Variants in TOR1B observed in about 807,000 individuals in gnomAD.
TOR1B encodes the protein torsin family 1 member B, also known as torsin-1B.
In TOR1B, 14 loss-of-function variants were observed where a neutral mutation model predicts 29.2. The ratio of observed to expected loss-of-function variants is 0.48; its 90% CI spans 0.32 to 0.75. TOR1B has a LOEUF of 0.75. Among genes scored for constraint, TOR1B ranks in the 30% least tolerant of loss-of-function variants. TOR1B has a pLI of 0.04. For synonymous variants in TOR1B, 166 were observed against 179.8 expected (o/e 0.92, Z 0.62); for missense variants, 400 against 433.9 (o/e 0.92, Z 0.69).
intron 3 of TOR1B, among the ~76,000 whole-genome samples, chr9:129,807,728 C>T (rs1226151222): frequency 1.3e-5 from 2 of 151,894 alleles, no homozygotes; most frequent in Non-Finnish European, 2.9e-5. Flanking sequence ...CGCCTGTAGT[C>T]CCATCTACTC....
At chr9:129,806,036 G>A (rs369348518) in intron 2 of TOR1B, among the ~76,000 whole-genome samples, 36 of 151,758 alleles carry the variant, frequency 2.4e-4, no homozygotes, top group African/African-American at 8.5e-4. Flanking sequence ...TGGGAGGATC[G>A]CTTGAGCCCG....
At chr9:129,808,081 A>C (rs376693344) in intron 3 of TOR1B, among the ~76,000 whole-genome samples, 1 of 152,030 alleles carries the variant, frequency 6.6e-6, no homozygotes, top group South Asian at 2.1e-4. Context: ...TTAACTGTGC[A>C]TGTTGGTTTT....
At chr9:129,803,950 G>C in intron 1 of TOR1B, 123 bp from the exon 2 acceptor site, 1 of 1,297,284 alleles carries the variant, frequency 7.7e-7, no homozygotes, top group Non-Finnish European at 1.1e-6. Context: ...CTAGGGTGTG[G>C]CAGACACCCT....
chr9:129,807,234 A>C lies in TOR1B; in HGVS notation c.512A>C (p.Asn171Thr). 6.2e-7 allele frequency: 1 copy of C among 1,613,718 alleles called. No individual in the cohort carries two copies. Among genetic ancestry groups the C allele is most frequent in the Non-Finnish European group, 8.5e-7 (1 of 1,179,946 alleles). Residue 171 changes from asparagine to threonine, a missense_variant, in exon 3 of 5, where the codon AAC becomes ACC. Transcript: ENST00000259339. Reference protein sequence around the residue: ...WIRGNVSACANSVFIFDEMDK... With the variant: ...WIRGNVSACATSVFIFDEMDK... ...CGCGGTAATGTGAGTGCATGTGCGA[A>C]CTCTGTTTTCATATTTGACGAGATG...
intron 2 of TOR1B, among the ~76,000 whole-genome samples, chr9:129,806,045 C>T (rs930132550): frequency 6.0e-5 from 9 of 150,978 alleles, no homozygotes; most frequent in African/African-American, 1.5e-4. Context: ...CGCTTGAGCC[C>T]GGGAGGCTGA....
chr9:129,803,225 G>A lies in TOR1B; in HGVS notation c.13G>A (p.Gly5Arg). The A allele has an allele frequency of 6.6e-7, 1 of 1,523,552 alleles. No individual in the cohort carries two copies. The highest frequency in any genetic ancestry group is 8.7e-7 in the Non-Finnish European group (1 of 1,143,568). The allele number at this position is 1,523,552 out of a possible 1,614,324, so 94.4% of individuals were successfully genotyped here. MLRA[G>R]WLRGAAALAL... ...TTCGAGGAGCGGGATGTTGCGGGCT[G>A]GGTGGCTCCGGGGCGCGGCGGCGCT... The change falls in exon 1 of 5, where the codon GGG (glycine) becomes AGG (arginine). Residue 5 changes from glycine (G) to arginine (R), a missense_variant. Coordinates refer to ENST00000259339, the MANE Select transcript of TOR1B (RefSeq NM_014506.3).
At chr9:129,809,149 C>T in intron 4 of TOR1B, 117 bp downstream of exon 4, 3 of 1,517,142 alleles carry the variant, frequency 2.0e-6, no homozygotes. Context: ...TTGCTAAAGT[C>T]AGGAATTTTC....
intron 3 of TOR1B, among the ~76,000 whole-genome samples, chr9:129,808,493 A>G (rs1292196457): frequency 6.6e-6 from 1 of 151,812 alleles, no homozygotes; most frequent in Non-Finnish European, 1.5e-5. Context: ...AGTGTCTCAA[A>G]AGGAAAAATA....
rs752291029 is a variant in TOR1B at position 129,810,463 on chromosome 9, C to T, written c.*880C>T. The T allele has an allele frequency of 1.3e-4, 148 of 1,160,696 alleles. No homozygotes were observed. Among genetic ancestry groups the T allele is most frequent in the Non-Finnish European group, 1.6e-4 (145 of 919,068 alleles). 71.9% of individuals were successfully genotyped at this position (1,160,696 alleles called of 1,614,324 possible). ...CAGCCCTGGCTGTGGAATCCTTCAC[C>T]GTCTCAGCTGGTATCAGCCCCAGCC... On this transcript the variant is annotated 3_prime_UTR_variant, in exon 5 of 5. Coordinates refer to ENST00000259339, the MANE Select transcript of TOR1B (RefSeq NM_014506.3).
Position 129,810,982 on chromosome 9 carries a change from TAGCTTCC to T in TOR1B, c.*1403_*1409del, listed in dbSNP as rs1383542298. The T allele has an allele frequency of 6.6e-6, 1 of 152,222 alleles. No homozygotes were observed. Among genetic ancestry groups the T allele is most frequent in the Non-Finnish European group, 1.5e-5 (1 of 68,054 alleles). 9.4% of individuals were successfully genotyped at this position (152,222 alleles called of 1,614,324 possible). A position where few individuals can be genotyped will look rare whatever the true frequency, so the allele number is the denominator to read the frequency against. On this transcript the variant is annotated 3_prime_UTR_variant, in exon 5 of 5. Transcript: ENST00000259339. ...GCCCTGATCCCTGGGACGTGAGACT[TAGCTTCC>T]AGCCAGTGTGAATCATTGTATCTGT... is the stretch of plus-strand genomic sequence containing the variant.
At chr9:129,804,931 G>A (rs569257286) in intron 2 of TOR1B, among the ~76,000 whole-genome samples, 2 of 151,276 alleles carry the variant, frequency 1.3e-5, no homozygotes, top group Admixed American at 6.6e-5. Flanking sequence ...GAGGTCAGGA[G>A]ATGGAGACCA....
Position 129,809,995 on chromosome 9 carries a change from C to T in TOR1B, c.*412C>T, listed in dbSNP as rs2030751095. 9.3e-6 allele frequency: 11 copies of T among 1,181,888 alleles called. No homozygotes were observed. Among genetic ancestry groups the T allele is most frequent in the Non-Finnish European group, 1.2e-5 (11 of 934,950 alleles). The allele number at this position is 1,181,888 out of a possible 1,614,324, so 73.2% of individuals were successfully genotyped here. A position where few individuals can be genotyped will look rare whatever the true frequency, so the allele number is the denominator to read the frequency against. On this transcript the variant is annotated 3_prime_UTR_variant, in exon 5 of 5. Transcript: ENST00000259339. ...GATGAACTTTTAAAAATCCCCTTCA[C>T]ACTTAATGTACTGACCGAGACAGAA...
At chr9:129,803,506 G>C in intron 1 of TOR1B, 95 bp downstream of exon 1, 2 of 1,220,346 alleles carry the variant, frequency 1.6e-6, no homozygotes, top group Non-Finnish European at 2.0e-6. Context: ...GGCACGGACC[G>C]GGCCCGTGGC....
At chr9:129,807,420 A>C (rs2030560025) in intron 3 of TOR1B, 57 bp downstream of exon 3, 1 of 1,596,560 alleles carries the variant, frequency 6.3e-7, no homozygotes. Context: ...CAATGATAAA[A>C]TGAGGTCCTG....
intron 4 of TOR1B, 110 bp from the exon 5 acceptor site, chr9:129,809,232 C>T (rs1210153724): frequency 2.6e-6 from 4 of 1,559,286 alleles, no homozygotes; most frequent in Non-Finnish European, 3.5e-6. Flanking sequence ...TGCACACTGA[C>T]AAGAGACTCT....
chr9:129,809,302 G>A (rs752197551), intron 4 of TOR1B, 40 bp from the exon 5 acceptor site: 87 of 1,611,856 alleles, frequency 5.4e-5, no homozygotes, highest in Non-Finnish European at 6.9e-5. Flanking sequence ...TGGCCAGGTG[G>A]CGGTGGTGGC....
chr9:129,806,120 C>CAAAAAAAAAAAAA (rs34263616), intron 2 of TOR1B, among the ~76,000 whole-genome samples: 1 of 122,618 alleles, frequency 8.2e-6, no homozygotes, highest in Non-Finnish European at 1.7e-5. Flanking sequence ...GACTCTATCT[C>CAAAAAAAAAAAAA]AAAAAAAAAA....
rs572993993 is a variant in TOR1B at position 129,809,255 on chromosome 9, G to A, written c.770-87G>A. On this transcript the variant is annotated intron_variant, in intron 4 of 4. Coordinates refer to ENST00000259339, the MANE Select transcript of TOR1B (RefSeq NM_014506.3). Reference sequence around the variant, plus strand: ...GACAAGAGACTCTCTCAAGGGGTACGGACATGAGGAATGTGCTGAGGGTCG... The same window carrying A: ...GACAAGAGACTCTCTCAAGGGGTACAGACATGAGGAATGTGCTGAGGGTCG... The A allele has an allele frequency of 1.1e-4, 171 of 1,590,776 alleles. 2 individuals are homozygous for A. In the South Asian group the frequency reaches 1.8e-3, roughly 16 times the overall value.
At position 129,804,341 on chromosome 9, in the gene TOR1B, A is replaced by G; in HGVS notation, c.465+3A>G. ...AGCAGAAGATAAAACTGTACCAGGCAAGAGAACCCGCTATTATCTCGTCTG... is the reference window on the plus strand; with the variant it reads ...AGCAGAAGATAAAACTGTACCAGGCGAGAGAACCCGCTATTATCTCGTCTG... On this transcript the variant is annotated splice_donor_region_variant and intron_variant, in intron 2 of 4. Transcript: ENST00000259339. 1 of 1,609,248 alleles carries G rather than the reference A, an allele frequency of 6.2e-7. No individual in the cohort carries two copies. The highest frequency in any genetic ancestry group is 2.2e-5 in the East Asian group (1 of 44,726).
Sources: allele counts gnomAD v4.1 joint callset (sites outside exome capture counted in the v4.1 genomes callset), GRCh38; gene constraint gnomAD v4.1.1; transcripts MANE v1.5; gene names NCBI Gene and HGNC (gene_info 2026-07-23, HGNC 2026-07-21).